SPAG16: variants seen among roughly 807,000 people sequenced by gnomAD.
The protein encoded by SPAG16 is sperm-associated antigen 16 protein.
A neutral mutation model predicts 80.4 loss-of-function variants in SPAG16; 86 were observed. That is an observed-to-expected ratio of 1.07 (90% confidence interval 0.90 to 1.28). The LOEUF (loss-of-function observed/expected upper bound fraction) is 1.28. SPAG16 is among the 50% of genes most tolerant of loss of function. The pLI, the probability that SPAG16 is intolerant of heterozygous loss-of-function variation, is 0.00. For missense variants in SPAG16, 870 were observed against 765.3 expected, an observed-to-expected ratio of 1.14 and a Z score of -1.61; for synonymous variants, 294 against 265.9, an observed-to-expected ratio of 1.11 and a Z score of -1.03.
At chr2:213,475,456 G>A (rs140051696) in intron 9 of SPAG16, among the ~76,000 whole-genome samples, 1 of 152,216 alleles carries the variant, frequency 6.6e-6, no homozygotes, top group Admixed American at 6.5e-5. Flanking sequence ...GCAGGCTGCA[G>A]GTGGTTTGTT....
chr2:213,934,598 ACTTTTTCCTC>A (rs2078909708), intron 12 of SPAG16, among the ~76,000 whole-genome samples: 1 of 152,218 alleles, frequency 6.6e-6, no homozygotes, highest in Non-Finnish European at 1.5e-5. Context: ...ACTAGAATCC[ACTTTTTCCTC>A]CTTCCATATT....
chr2:213,756,293 C>T (rs999913263), intron 10 of SPAG16, among the ~76,000 whole-genome samples: 1 of 151,964 alleles, frequency 6.6e-6, no homozygotes, highest in Non-Finnish European at 1.5e-5. Context: ...CCAGCCTGGC[C>T]AACGTGGTAA....
chr2:214,137,757 T>C (rs2055138332), intron 14 of SPAG16, among the ~76,000 whole-genome samples: 1 of 152,084 alleles, frequency 6.6e-6, no homozygotes, highest in African/African-American at 2.4e-5. Context: ...ATTTGTAAAA[T>C]ACAATTGTTG....
At chr2:214,251,697 A>G (rs147173344) in intron 15 of SPAG16, among the ~76,000 whole-genome samples, 1 of 152,276 alleles carries the variant, frequency 6.6e-6, no homozygotes, top group East Asian at 1.9e-4. Context: ...CTCTGTGTCC[A>G]AGAAACGTAC....
chr2:213,718,532 C>A (rs1256996706), intron 10 of SPAG16, among the ~76,000 whole-genome samples: 1 of 152,190 alleles, frequency 6.6e-6, no homozygotes, highest in Non-Finnish European at 1.5e-5. Context: ...GCGGTGCTTG[C>A]AGGCCAGCTG....
At chr2:213,623,291 T>C (rs1272287880) in intron 10 of SPAG16, among the ~76,000 whole-genome samples, 1 of 152,140 alleles carries the variant, frequency 6.6e-6, no homozygotes, top group African/African-American at 2.4e-5. Flanking sequence ...TGTAGGAAAC[T>C]TTTTTTCACT....
chr2:213,918,702 A>G (rs961071263), intron 11 of SPAG16, among the ~76,000 whole-genome samples: 1 of 152,160 alleles, frequency 6.6e-6, no homozygotes, highest in Admixed American at 6.5e-5. Flanking sequence ...CTGTGAGTCT[A>G]TTAAATCTCT....
chr2:213,341,816 C>G (rs2064701598), intron 6 of SPAG16, among the ~76,000 whole-genome samples: 1 of 152,186 alleles, frequency 6.6e-6, no homozygotes, highest in Non-Finnish European at 1.5e-5. Context: ...GTTGGAATTA[C>G]AGGCATGAGT....
Position 213,320,781 on chromosome 2 carries a change from G to A in SPAG16, c.536+3425G>A, listed in dbSNP as rs12613155. Reference sequence around the variant, plus strand: ...AAAAATGGCTTAATAACATTCCATTGTGTATATGTGCCACATTTGATTTAT... The same window carrying A: ...AAAAATGGCTTAATAACATTCCATTATGTATATGTGCCACATTTGATTTAT... On this transcript the variant is annotated intron_variant, in intron 5 of 15. Coordinates refer to ENST00000331683, the MANE Select transcript of SPAG16 (RefSeq NM_024532.5). Among the ~76,000 whole-genome samples, 247 of 152,038 alleles carry A rather than the reference G, an allele frequency of 1.6e-3. No individual in the cohort carries two copies. In the East Asian group the frequency reaches 0.037, roughly 23 times the overall value.
At chr2:214,282,875 T>C (rs1209308509) in intron 15 of SPAG16, among the ~76,000 whole-genome samples, 1 of 152,086 alleles carries the variant, frequency 6.6e-6, no homozygotes, top group Non-Finnish European at 1.5e-5. Flanking sequence ...TTATGTATGA[T>C]AGCAGAGTGG....
chr2:213,567,090 G>A lies in SPAG16; in HGVS notation c.1070+77000G>A, dbSNP rs1364666547. 2.7e-5 allele frequency among the ~76,000 whole-genome samples: 4 copies of A among 150,882 alleles called. No individual in the cohort carries two copies. In the East Asian group the frequency reaches 5.8e-4, roughly 22 times the overall value. ...AATCTTCTCATGAGGAGAGTCAGAT[G>A]CAAACAGAAATATAATAGAGTGACC... is the stretch of plus-strand genomic sequence containing the variant. On this transcript the variant is annotated intron_variant, in intron 10 of 15. Transcript: ENST00000331683.
intron 7 of SPAG16, among the ~76,000 whole-genome samples, chr2:213,363,654 G>T (rs2066119233): frequency 6.6e-6 from 1 of 151,934 alleles, no homozygotes. Flanking sequence ...AGAGTTGGGG[G>T]AATAAAAACA....
chr2:213,540,028 A>AGTTTT (rs1559234806), intron 10 of SPAG16, among the ~76,000 whole-genome samples: 11 of 130,518 alleles, frequency 8.4e-5, no homozygotes, highest in African/African-American at 2.9e-4. Flanking sequence ...TATATTTCTT[A>AGTTTT]ATTTTTTTTT....
intron 13 of SPAG16, among the ~76,000 whole-genome samples, chr2:214,034,003 C>T (rs1167954440): frequency 6.6e-6 from 1 of 152,134 alleles, no homozygotes. Flanking sequence ...CTCTTTAGTT[C>T]CCTTTAATCT....
At chr2:214,157,891 G>C (rs1472547273) in intron 15 of SPAG16, among the ~76,000 whole-genome samples, 1 of 151,928 alleles carries the variant, frequency 6.6e-6, no homozygotes, top group Admixed American at 6.6e-5. Flanking sequence ...TTTTGTAATT[G>C]TCTTCACAAC....
At chr2:213,953,873 G>A (rs1439959909) in intron 12 of SPAG16, among the ~76,000 whole-genome samples, 1 of 151,908 alleles carries the variant, frequency 6.6e-6, no homozygotes, top group African/African-American at 2.4e-5. Context: ...CAATGATGAA[G>A]AAAAGGCGAT....
intron 15 of SPAG16, among the ~76,000 whole-genome samples, chr2:214,320,103 A>G (rs77171371): frequency 4.4e-4 from 67 of 152,168 alleles, no homozygotes; most frequent in African/African-American, 1.5e-3. Context: ...CAAACAGTCC[A>G]GCTTCATCTC....
chr2:213,382,072 G>C (rs909625120), intron 9 of SPAG16, among the ~76,000 whole-genome samples: 2 of 151,774 alleles, frequency 1.3e-5, no homozygotes, highest in African/African-American at 4.8e-5. Flanking sequence ...TCCATTCTCT[G>C]ATAGCTGGTC....
chr2:214,033,726 TAG>T (rs2048539802), intron 13 of SPAG16, among the ~76,000 whole-genome samples: 1 of 152,146 alleles, frequency 6.6e-6, no homozygotes, highest in Non-Finnish European at 1.5e-5. Context: ...GAGAGAGAAA[TAG>T]ACTTATATTT....
Sources: allele counts gnomAD v4.1 joint callset (sites outside exome capture counted in the v4.1 genomes callset), GRCh38; gene constraint gnomAD v4.1.1; transcripts MANE v1.5; gene names NCBI Gene and HGNC (gene_info 2026-07-23, HGNC 2026-07-21).